The following ARMH3 variants were observed in gnomAD, a reference collection of about 807,000 sequenced individuals.
ARMH3 encodes armadillo-like helical domain-containing protein 3.
In ARMH3, 60 loss-of-function variants were observed where a neutral mutation model predicts 99.1. That is an observed-to-expected ratio of 0.61 (90% confidence interval 0.49 to 0.75). ARMH3 has a LOEUF of 0.75. Among genes scored for constraint, ARMH3 ranks in the 30% least tolerant of loss-of-function variants. ARMH3 has a pLI of 0.00. For missense variants in ARMH3, 679 were observed against 843.1 expected (o/e 0.81, Z 2.41); for synonymous variants, 285 against 292.8 (o/e 0.97, Z 0.27).
chr10:101,996,727 C>A (rs1426263413), intron 15 of ARMH3, among the ~76,000 whole-genome samples: 1 of 152,136 alleles, frequency 6.6e-6, no homozygotes, highest in Non-Finnish European at 1.5e-5. Context: ...TATAGACAGT[C>A]TTTTAAACTC....
chr10:102,029,545 T>C, intron 5 of ARMH3, 93 bp downstream of exon 5: 3 of 1,612,364 alleles, frequency 1.9e-6, no homozygotes, highest in Non-Finnish European at 2.5e-6. Context: ...TCTTTCTGAG[T>C]CCAAATCTTT....
intron 22 of ARMH3, among the ~76,000 whole-genome samples, chr10:101,944,329 GT>G (rs1844420512): frequency 1.2e-5 from 1 of 86,856 alleles, no homozygotes. Context: ...GAGAGAGAGA[GT>G]CCAAACTGAG....
At chr10:102,039,269 C>T (rs1012967375) in intron 2 of ARMH3, among the ~76,000 whole-genome samples, 2 of 151,986 alleles carry the variant, frequency 1.3e-5, no homozygotes, top group African/African-American at 4.8e-5. Context: ...CTCAGCCTCC[C>T]GAATAGCTGA....
At chr10:101,973,099 G>A (rs1016028480) in intron 20 of ARMH3, among the ~76,000 whole-genome samples, 11 of 152,222 alleles carry the variant, frequency 7.2e-5, no homozygotes, top group South Asian at 2.1e-4. Context: ...GGTGACTCAC[G>A]TCTGTAATCC....
intron 1 of ARMH3, among the ~76,000 whole-genome samples, chr10:102,052,327 G>A (rs977509704): frequency 5.3e-5 from 8 of 151,732 alleles, no homozygotes; most frequent in African/African-American, 1.7e-4. Context: ...GGGCTTACAC[G>A]ACCCTCCCAC....
chr10:101,965,214 T>C (rs1391675960), intron 20 of ARMH3, among the ~76,000 whole-genome samples: 1 of 152,156 alleles, frequency 6.6e-6, no homozygotes, highest in Non-Finnish European at 1.5e-5. Flanking sequence ...AAAAGGTCAA[T>C]GTTTTTCTTT....
At chr10:101,991,498 G>A (rs144145456) in intron 18 of ARMH3, among the ~76,000 whole-genome samples, 2 of 151,846 alleles carry the variant, frequency 1.3e-5, no homozygotes, top group African/African-American at 2.4e-5. Flanking sequence ...CTCCTGCCTC[G>A]GCCTCCTGAG....
At chr10:101,872,057 T>G (rs183059079) in intron 24 of ARMH3, among the ~76,000 whole-genome samples, 1 of 152,038 alleles carries the variant, frequency 6.6e-6, no homozygotes, top group Non-Finnish European at 1.5e-5. Context: ...GGCAGAGATT[T>G]ATTAAATAAA....
At chr10:101,955,095 C>T (rs951944882) in intron 22 of ARMH3, among the ~76,000 whole-genome samples, 1 of 152,152 alleles carries the variant, frequency 6.6e-6, no homozygotes, top group Non-Finnish European at 1.5e-5. Flanking sequence ...GTTGGTGAAG[C>T]CAGGCAGATG....
At chr10:101,892,270 C>A (rs887799392) in intron 23 of ARMH3, among the ~76,000 whole-genome samples, 3 of 151,438 alleles carry the variant, frequency 2.0e-5, no homozygotes, top group Non-Finnish European at 2.9e-5. Context: ...CATGGTGAGA[C>A]CTTGTCTCTA....
At chr10:101,976,779 C>T (rs1461894432) in intron 19 of ARMH3, among the ~76,000 whole-genome samples, 1 of 151,966 alleles carries the variant, frequency 6.6e-6, no homozygotes, top group Non-Finnish European at 1.5e-5. Flanking sequence ...CCTATACTCC[C>T]AGCCACCCTG....
At chr10:101,996,838 C>CATAG (rs1847082568) in intron 15 of ARMH3, among the ~76,000 whole-genome samples, 1 of 152,128 alleles carries the variant, frequency 6.6e-6, no homozygotes, top group South Asian at 2.1e-4. Flanking sequence ...TAAGTCTATG[C>CATAG]ATAGATATAC....
intron 24 of ARMH3, among the ~76,000 whole-genome samples, chr10:101,877,283 A>T (rs2067292757): frequency 6.6e-6 from 1 of 152,124 alleles, no homozygotes; most frequent in Non-Finnish European, 1.5e-5. Flanking sequence ...GGATCACTGG[A>T]GCCCAGGAGA....
chr10:101,896,446 G>A (rs532538071), intron 23 of ARMH3, among the ~76,000 whole-genome samples: 5 of 152,318 alleles, frequency 3.3e-5, no homozygotes, highest in African/African-American at 9.6e-5. Flanking sequence ...GGGAGTGACT[G>A]CTATTGGGTA....
At chr10:101,895,569 G>A (rs1449144168) in intron 23 of ARMH3, among the ~76,000 whole-genome samples, 1 of 152,158 alleles carries the variant, frequency 6.6e-6, no homozygotes, top group East Asian at 1.9e-4. Flanking sequence ...GTGAGCCACT[G>A]CGCCCGGCCC....
chr10:102,017,249 G>C (rs1329352072), intron 8 of ARMH3, among the ~76,000 whole-genome samples: 2 of 152,146 alleles, frequency 1.3e-5, no homozygotes, highest in Non-Finnish European at 2.9e-5. Context: ...TGATCACCAG[G>C]CTTCCTTAAT....
At chr10:102,053,923 T>C (rs2067772733) in intron 1 of ARMH3, among the ~76,000 whole-genome samples, 1 of 152,126 alleles carries the variant, frequency 6.6e-6, no homozygotes, top group Non-Finnish European at 1.5e-5. Context: ...CTCCCAAAGT[T>C]ACATAGTAAG....
chr10:101,924,451 T>C (rs569923889), intron 23 of ARMH3, among the ~76,000 whole-genome samples: 1 of 149,516 alleles, frequency 6.7e-6, no homozygotes, highest in Non-Finnish European at 1.5e-5. Flanking sequence ...AAGCTCCGCC[T>C]CCCAGGTTCA....
intron 19 of ARMH3, among the ~76,000 whole-genome samples, chr10:101,983,987 A>G (rs12247915): frequency 0.01 from 1,568 of 152,196 alleles, 29 homozygotes; most frequent in African/African-American, 0.032. Flanking sequence ...CTGAGCCCTA[A>G]ACCCATGGGA....
Sources: allele counts gnomAD v4.1 joint callset (sites outside exome capture counted in the v4.1 genomes callset), GRCh38; gene constraint gnomAD v4.1.1; transcripts MANE v1.5; gene names NCBI Gene and HGNC (gene_info 2026-07-23, HGNC 2026-07-21).